Variants in ATXN7L1 observed in about 807,000 individuals in gnomAD.
ATXN7L1 encodes ataxin 7 like 1.
In ATXN7L1, 15 loss-of-function variants were observed where a neutral mutation model predicts 70.8. The ratio of observed to expected loss-of-function variants is 0.21; its 90% CI spans 0.14 to 0.33. ATXN7L1 has a LOEUF of 0.33. Among genes scored for constraint, ATXN7L1 ranks in the 10% least tolerant of loss-of-function variants. The pLI, the probability that ATXN7L1 is intolerant of heterozygous loss-of-function variation, is 1.00. For missense variants in ATXN7L1, 975 were observed against 1,097.1 expected (o/e 0.89, Z 1.57); for synonymous variants, 440 against 445.1 (o/e 0.99, Z 0.14).
chr7:105,645,180 T>G (rs1262597673), intron 4 of ATXN7L1, among the ~76,000 whole-genome samples: 1 of 152,216 alleles, frequency 6.6e-6, no homozygotes. Flanking sequence ...TTCTGGAGAT[T>G]GGTTGCACAA....
chr7:105,649,211 A>G (rs1799509510), intron 4 of ATXN7L1, among the ~76,000 whole-genome samples: 3 of 152,178 alleles, frequency 2.0e-5, no homozygotes, highest in Non-Finnish European at 4.4e-5. Flanking sequence ...TGCTGCTTTC[A>G]TAATGCCTGT....
chr7:105,664,993 A>C, intron 4 of ATXN7L1, 73 bp downstream of exon 4: 1 of 1,409,934 alleles, frequency 7.1e-7, no homozygotes, highest in Non-Finnish European at 9.8e-7. Context: ...CCAGAGAGTA[A>C]ATACTATTTC....
intron 10 of ATXN7L1, among the ~76,000 whole-genome samples, chr7:105,613,115 C>T (rs1019924180): frequency 6.6e-6 from 1 of 152,158 alleles, no homozygotes. Flanking sequence ...CTAAGTAGCC[C>T]CCCAGCCGGA....
chr7:105,849,304 C>T (rs568327883), intron 2 of ATXN7L1, among the ~76,000 whole-genome samples: 38 of 152,310 alleles, frequency 2.5e-4, no homozygotes, highest in Admixed American at 6.5e-4. Flanking sequence ...TCCGTCCCTA[C>T]GTAGTGATAT....
intron 3 of ATXN7L1, among the ~76,000 whole-genome samples, chr7:105,731,748 A>AAAAAGAAAGGAAAAG (rs1796562765): frequency 9.3e-6 from 1 of 106,964 alleles, no homozygotes; most frequent in African/African-American, 4.4e-5. Context: ...CTTACTCCTT[A>AAAAAGAAAGGAAAAG]AAAAGAAAAG....
At chr7:105,657,702 CAAAAAAAAAAAAAAAAA>C (rs71155465) in intron 4 of ATXN7L1, among the ~76,000 whole-genome samples, 1 of 26,108 alleles carries the variant, frequency 3.8e-5, no homozygotes. Context: ...GACCCTGTCT[CAAAAAAAAAAAAAAAAA>C]AAAAAAAAAA....
intron 3 of ATXN7L1, among the ~76,000 whole-genome samples, chr7:105,666,112 A>AC (rs1802574386): frequency 6.6e-6 from 1 of 152,208 alleles, no homozygotes; most frequent in Non-Finnish European, 1.5e-5. Flanking sequence ...TGCACCCGCT[A>AC]TGGGGTTCTT....
chr7:105,614,681 C>A lies in ATXN7L1; in HGVS notation c.1653G>T (p.Arg551Ser). 6.4e-7 allele frequency: 1 copy of A among 1,551,632 alleles called. No homozygotes were observed. The highest frequency in any genetic ancestry group is 8.7e-7 in the Non-Finnish European group (1 of 1,146,992). ...ATGTCATTATGTAAGAAGAGGTGAG[C>A]CTCGAGCTGATGGGAGCTGAAGGAA... ...VYLPSAPISS[R>S]LTSSYIMTSA... The change falls in exon 10 of 12, where the codon AGG becomes AGT. Residue 551 changes from arginine (R) to serine (S), a missense_variant. By Grantham distance (110) the Arg-to-Ser change is moderately radical. Coordinates refer to ENST00000419735, the MANE Select transcript of ATXN7L1 (RefSeq NM_020725.2). This position sits in a 1 kb window ranked among gnomAD's most constrained non-coding sequence, Gnocchi z 4.3.
At chr7:105,860,116 T>G (rs933833419) in intron 2 of ATXN7L1, among the ~76,000 whole-genome samples, 1 of 126,838 alleles carries the variant, frequency 7.9e-6, no homozygotes, top group Non-Finnish European at 1.6e-5. Context: ...TACAGATAGA[T>G]CTTTATATGT....
At chr7:105,857,604 C>T (rs1262121615) in intron 2 of ATXN7L1, among the ~76,000 whole-genome samples, 1 of 152,248 alleles carries the variant, frequency 6.6e-6, no homozygotes, top group African/African-American at 2.4e-5. Flanking sequence ...AGGCTAAATA[C>T]TGTGCTCCCT....
At chr7:105,742,541 T>C (rs1358017972) in intron 3 of ATXN7L1, among the ~76,000 whole-genome samples, 3 of 152,018 alleles carry the variant, frequency 2.0e-5, no homozygotes, top group African/African-American at 7.2e-5. Context: ...CACACAGAGG[T>C]AGAGCAACTT....
intron 2 of ATXN7L1, among the ~76,000 whole-genome samples, chr7:105,838,722 G>A (rs551396876): frequency 8.5e-5 from 13 of 152,218 alleles, no homozygotes; most frequent in African/African-American, 2.6e-4. Flanking sequence ...ATTACTCTGC[G>A]CGTCTGGCAC....
At chr7:105,871,303 T>C (rs1360742018) in intron 2 of ATXN7L1, among the ~76,000 whole-genome samples, 1 of 152,120 alleles carries the variant, frequency 6.6e-6, no homozygotes, top group Non-Finnish European at 1.5e-5. Flanking sequence ...GGAAGCTGAC[T>C]CAAAGTGCTA....
At chr7:105,766,828 A>AG (rs897278981) in intron 3 of ATXN7L1, among the ~76,000 whole-genome samples, 38 of 152,232 alleles carry the variant, frequency 2.5e-4, no homozygotes, top group African/African-American at 9.2e-4. Flanking sequence ...GTGTACACCC[A>AG]GGGGGAACCA....
chr7:105,801,335 T>C (rs1425444317), intron 2 of ATXN7L1, among the ~76,000 whole-genome samples: 1 of 152,220 alleles, frequency 6.6e-6, no homozygotes, highest in Non-Finnish European at 1.5e-5. Context: ...AAAGTATGAA[T>C]ACGACCTGTA....
chr7:105,609,362 T>C (rs1268530307), intron 11 of ATXN7L1, among the ~76,000 whole-genome samples: 2 of 152,124 alleles, frequency 1.3e-5, no homozygotes, highest in Non-Finnish European at 2.9e-5. Flanking sequence ...AGAGACGGGG[T>C]TTCACCATGT....
chr7:105,693,730 G>C (rs962285444), intron 3 of ATXN7L1, among the ~76,000 whole-genome samples: 2 of 152,156 alleles, frequency 1.3e-5, no homozygotes, highest in Non-Finnish European at 2.9e-5. Context: ...TGCTCTTCTG[G>C]TTACGGGGCC....
chr7:105,870,220 C>T (rs1001600922), intron 2 of ATXN7L1, among the ~76,000 whole-genome samples: 19 of 149,020 alleles, frequency 1.3e-4, no homozygotes, highest in Non-Finnish European at 2.5e-4. Flanking sequence ...AGGTGGAGGT[C>T]GCAGTGAGCT....
intron 10 of ATXN7L1, among the ~76,000 whole-genome samples, chr7:105,611,459 C>T (rs1385438863): frequency 6.6e-6 from 1 of 152,220 alleles, no homozygotes; most frequent in Admixed American, 6.5e-5. Context: ...GCAACCTCTG[C>T]CTCTGGGGTT....
Sources: allele counts gnomAD v4.1 joint callset (sites outside exome capture counted in the v4.1 genomes callset), GRCh38; gene constraint gnomAD v4.1.1; non-coding constraint Gnocchi (gnomAD v3.1); transcripts MANE v1.5; gene names NCBI Gene and HGNC (gene_info 2026-07-23, HGNC 2026-07-21).